The following FGF14 variants were observed in gnomAD, a reference collection of about 807,000 sequenced individuals.
The protein encoded by FGF14 is fibroblast growth factor 14, also known as fibroblast growth factor homologous factor 4.
FGF14 carries 5 observed loss-of-function variants against 25.5 expected under a neutral mutation model. That is an observed-to-expected ratio of 0.20 (90% CI 0.10 to 0.41). FGF14 has a LOEUF of 0.41. Ranked by LOEUF, FGF14 falls within the 10% of genes least tolerant of loss-of-function variation. The probability of loss-of-function intolerance (pLI) is 1.00; values close to 1 mark genes in which losing one functional copy is unlikely to be tolerated. For missense variants in FGF14, 222 were observed against 320.1 expected, an observed-to-expected ratio of 0.69 and a Z score of 2.34; for synonymous variants, 138 against 118.3, an observed-to-expected ratio of 1.17 and a Z score of -1.08.
chr13:101,717,354 T>G lies in FGF14; in HGVS notation c.*5477A>C, dbSNP rs1282519683. The stretch of plus-strand genomic sequence containing the variant: ...TTAAGGAGTGCAACCATGTTGTAGT[T>G]CTATTATTGAGTACGTAAATTGATA... On this transcript the variant is annotated 3_prime_UTR_variant, in exon 5 of 5. Coordinates refer to ENST00000376143, the MANE Select transcript of FGF14 (RefSeq NM_004115.4). 6.6e-6 allele frequency: 1 copy of G among 152,188 alleles called. No homozygotes were observed. Among genetic ancestry groups the G allele is most frequent in the African/African-American group, 2.4e-5 (1 of 41,460 alleles). 9.4% of individuals were successfully genotyped at this position (152,188 alleles called of 1,614,324 possible). A position where few individuals can be genotyped will look rare whatever the true frequency, so the allele number is the denominator to read the frequency against.
intron 1 of FGF14, among the ~76,000 whole-genome samples, chr13:102,117,401 C>T (rs1261650099): frequency 6.6e-6 from 1 of 152,124 alleles, no homozygotes; most frequent in Non-Finnish European, 1.5e-5. Flanking sequence ...GTTCTAAGCA[C>T]CTGACTTTTA....
intron 1 of FGF14, among the ~76,000 whole-genome samples, chr13:102,162,962 T>C (rs1333259239): frequency 6.6e-6 from 1 of 152,188 alleles, no homozygotes; most frequent in Non-Finnish European, 1.5e-5. Context: ...AAATGAATGA[T>C]GGTTCTAATT....
chr13:102,308,916 CAA>C (rs71125061), intron 1 of FGF14, among the ~76,000 whole-genome samples: 3 of 61,986 alleles, frequency 4.8e-5, no homozygotes, highest in Admixed American at 1.7e-4. Flanking sequence ...GTTTCTTATA[CAA>C]AAAAAAAAAA....
intron 1 of FGF14, among the ~76,000 whole-genome samples, chr13:101,960,345 T>C (rs2036768956): frequency 6.6e-6 from 1 of 152,140 alleles, no homozygotes; most frequent in African/African-American, 2.4e-5. Flanking sequence ...TTCCTGATGC[T>C]CTCCCTCCCC....
chr13:102,085,154 T>A (rs1200000279), intron 1 of FGF14, among the ~76,000 whole-genome samples: 3 of 152,228 alleles, frequency 2.0e-5, no homozygotes, highest in Non-Finnish European at 4.4e-5. Context: ...CATACTTTTT[T>A]GATCAGTAAA....
upstream of FGF14, among the ~76,000 whole-genome samples, chr13:101,918,346 C>T (rs1003303705): frequency 2.0e-5 from 3 of 152,184 alleles, no homozygotes; most frequent in Non-Finnish European, 4.4e-5. Context: ...TCCCTTTACA[C>T]TGCTTTGCCT....
intron 1 of FGF14, among the ~76,000 whole-genome samples, chr13:102,078,132 T>C (rs2043447562): frequency 6.6e-6 from 1 of 152,116 alleles, no homozygotes; most frequent in Non-Finnish European, 1.5e-5. Flanking sequence ...TTTCCAGGGG[T>C]ACGGGGTGGG....
chr13:102,318,644 T>C (rs911362293), intron 1 of FGF14, among the ~76,000 whole-genome samples: 4 of 152,210 alleles, frequency 2.6e-5, no homozygotes, highest in Non-Finnish European at 5.9e-5. Context: ...AATTTCCCCT[T>C]TGTGTAAGGA....
Position 101,976,444 on chromosome 13 carries a change from T to A in FGF14, c.209-101148A>T, listed in dbSNP as rs182342010. ...TTACAAATGGGCTGTGTGCTCCTAT[T>A]GGGTGCTGTAAAACTTACTTTTTTT... On this transcript the variant is annotated intron_variant, in intron 1 of 4. Coordinates refer to the FGF14 transcript ENST00000376131. Among the ~76,000 whole-genome samples the A allele has an allele frequency of 1.7e-3, 258 of 152,342 alleles. 4 individuals carry two copies. Among genetic ancestry groups the A allele is most frequent in the Non-Finnish European group, 2.6e-3 (180 of 68,034 alleles).
At chr13:101,952,471 T>C (rs550003796) in intron 1 of FGF14, among the ~76,000 whole-genome samples, 2 of 152,260 alleles carry the variant, frequency 1.3e-5, no homozygotes, top group South Asian at 2.1e-4. Flanking sequence ...CAAAAAATGT[T>C]TTGTCTGAGG....
At chr13:101,873,447 G>A (rs898412950) in intron 2 of FGF14, among the ~76,000 whole-genome samples, 1 of 152,118 alleles carries the variant, frequency 6.6e-6, no homozygotes, top group African/African-American at 2.4e-5. Flanking sequence ...TCTTTAGCCT[G>A]ATGAATCTTT....
intron 1 of FGF14, among the ~76,000 whole-genome samples, chr13:102,039,725 G>A (rs953507937): frequency 6.6e-6 from 1 of 152,094 alleles, no homozygotes; most frequent in African/African-American, 2.4e-5. Flanking sequence ...CACATTAATA[G>A]GCACCAGAGG....
intron 1 of FGF14, among the ~76,000 whole-genome samples, chr13:101,896,018 A>G (rs908220628): frequency 6.6e-6 from 1 of 152,196 alleles, no homozygotes. Flanking sequence ...ATTTTAAATT[A>G]CTTAACCATA....
chr13:102,079,041 A>C (rs1452750254), intron 1 of FGF14, among the ~76,000 whole-genome samples: 1 of 152,190 alleles, frequency 6.6e-6, no homozygotes, highest in African/African-American at 2.4e-5. Context: ...TGTTGGATTT[A>C]GGTTGCAGTC....
chr13:101,919,444 T>G (rs1443423484), upstream of FGF14, among the ~76,000 whole-genome samples: 1 of 151,948 alleles, frequency 6.6e-6, no homozygotes, highest in Non-Finnish European at 1.5e-5. Context: ...CAATATTAAT[T>G]TGAAAAGAGT....
intron 3 of FGF14, among the ~76,000 whole-genome samples, chr13:101,837,995 T>C (rs1253760097): frequency 1.3e-5 from 2 of 151,906 alleles, no homozygotes; most frequent in Non-Finnish European, 1.5e-5. Context: ...TGTGTCCTTC[T>C]CCCATGGTGC....
At chr13:102,227,499 C>T (rs2050879605) in intron 1 of FGF14, among the ~76,000 whole-genome samples, 1 of 152,074 alleles carries the variant, frequency 6.6e-6, no homozygotes, top group African/African-American at 2.4e-5. Flanking sequence ...GTCCCCTATG[C>T]ATCCCCACCC....
chr13:101,919,968 G>A (rs1461878654), upstream of FGF14, among the ~76,000 whole-genome samples: 1 of 152,130 alleles, frequency 6.6e-6, no homozygotes, highest in African/African-American at 2.4e-5. Flanking sequence ...TCTCTTCAAC[G>A]TAGCTTCCTA....
At chr13:101,781,282 C>T (rs1341738269) in intron 3 of FGF14, among the ~76,000 whole-genome samples, 1 of 152,206 alleles carries the variant, frequency 6.6e-6, no homozygotes, top group African/African-American at 2.4e-5. Flanking sequence ...GCCTGAATTT[C>T]TATGTATTTT....
Sources: allele counts gnomAD v4.1 joint callset (sites outside exome capture counted in the v4.1 genomes callset), GRCh38; gene constraint gnomAD v4.1.1; transcripts MANE v1.5; gene names NCBI Gene and HGNC (gene_info 2026-07-23, HGNC 2026-07-21).